LDHAL6A: variants seen among roughly 807,000 people sequenced by gnomAD.
The protein encoded by LDHAL6A is lactate dehydrogenase A like 6A.
A neutral mutation model predicts 28.2 loss-of-function variants in LDHAL6A; 19 were observed. That is an observed-to-expected ratio of 0.67 (90% CI 0.47 to 0.99). The LOEUF (loss-of-function observed/expected upper bound fraction) is 0.99, where lower values mean the gene tolerates loss of function less well. LDHAL6A is among the 50% of genes least tolerant of loss of function. The pLI, the probability that LDHAL6A is intolerant of heterozygous loss-of-function variation, is 0.00. For missense variants in LDHAL6A, 372 were observed against 398.6 expected (o/e 0.93, Z 0.57); for synonymous variants, 144 against 134.4 (o/e 1.07, Z -0.49).
At chr11:18,475,856 T>C (rs991231561) in intron 4 of LDHAL6A, 6 of 465,626 alleles carry the variant, frequency 1.3e-5, no homozygotes, top group African/African-American at 4.0e-5. Flanking sequence ...TACATATGGA[T>C]GGCTAGGATT....
Position 18,478,983 on chromosome 11 carries a change from A to G in LDHAL6A, c.*113A>G. 3 of 925,816 alleles carry G rather than the reference A, an allele frequency of 3.2e-6. No individual in the cohort carries two copies. Among genetic ancestry groups the G allele is most frequent in the Non-Finnish European group, 4.9e-6 (3 of 614,540 alleles). 57.4% of individuals were successfully genotyped at this position (925,816 alleles called of 1,614,324 possible). A position where few individuals can be genotyped will look rare whatever the true frequency, so the allele number is the denominator to read the frequency against. ...TAAAAGTTGGAAAAATAGAGGAAAG[A>G]GTGACCTATTTAGTATAGCCTTCCA... On this transcript the variant is annotated 3_prime_UTR_variant, in exon 7 of 7. Coordinates refer to ENST00000280706, the MANE Select transcript of LDHAL6A (RefSeq NM_144972.5).
In LDHAL6A at chr11:18,479,054, G is replaced by T; in HGVS notation, c.*184G>T. 1.0e-5 allele frequency: 5 copies of T among 496,412 alleles called. No homozygotes were observed. Among genetic ancestry groups the T allele is most frequent in the Non-Finnish European group, 1.8e-5 (5 of 284,028 alleles). The allele number at this position is 496,412 out of a possible 1,614,324, so 30.8% of individuals were successfully genotyped here. Reference sequence around the variant, plus strand: ...TGGGAGGGTCTCATTCTGTCACCCAGGCTGGAGTGCAGTGGCACAATCATG... The same window carrying T: ...TGGGAGGGTCTCATTCTGTCACCCATGCTGGAGTGCAGTGGCACAATCATG... On this transcript the variant is annotated 3_prime_UTR_variant, in exon 7 of 7. Coordinates refer to ENST00000280706, the MANE Select transcript of LDHAL6A (RefSeq NM_144972.5).
intron 3 of LDHAL6A, among the ~76,000 whole-genome samples, chr11:18,466,781 T>C (rs1396154593): frequency 2.0e-5 from 3 of 152,266 alleles, no homozygotes; most frequent in East Asian, 3.9e-4. Flanking sequence ...AGTAGGGCTA[T>C]AGTTTACTGC....
intron 5 of LDHAL6A, 51 bp downstream of exon 5, chr11:18,476,552 C>T: frequency 1.3e-6 from 2 of 1,592,966 alleles, no homozygotes; most frequent in Non-Finnish European, 1.7e-6. Flanking sequence ...TGAGCCTGAA[C>T]TCTGTTAGAA....
At chr11:18,467,424 C>G (rs1249139337) in intron 3 of LDHAL6A, among the ~76,000 whole-genome samples, 1 of 152,092 alleles carries the variant, frequency 6.6e-6, no homozygotes, top group Non-Finnish European at 1.5e-5. Context: ...TTACTACATA[C>G]GTTTTTCTCC....
At position 18,456,652 on chromosome 11, in the gene LDHAL6A, C is replaced by A. The variant is rs368312522; in HGVS notation, c.-29C>A. On this transcript the variant is annotated 5_prime_UTR_variant, in exon 1 of 7. An upstream open reading frame in the 5' UTR gains an earlier in-frame stop. Transcript: ENST00000280706. ...ATTCCAGGTCTTGGAAATGGCTGTG[C>A]AATTTGTCTTCACTGTTAGGTTTCC... is the stretch of plus-strand genomic sequence containing the variant. 11 of 1,610,948 alleles carry A rather than the reference C, an allele frequency of 6.8e-6. No homozygotes were observed. Among genetic ancestry groups the A allele is most frequent in the Middle Eastern group, 1.6e-4 (1 of 6,080 alleles).
chr11:18,475,681 C>A (rs757962955), intron 4 of LDHAL6A, 42 bp downstream of exon 4: 1 of 1,538,946 alleles, frequency 6.5e-7, no homozygotes, highest in Non-Finnish European at 8.8e-7. Flanking sequence ...TATCTATTTC[C>A]TATCAATCAT....
rs75031057 is a variant in LDHAL6A, at chr11:18,469,343, G to T, written c.418+3533G>T. On this transcript the variant is annotated intron_variant, in intron 3 of 6. Transcript: ENST00000280706. Reference sequence around the variant, plus strand: ...ATTAAGGTTATATGATAACAAATTAGGAAAAACAAATTAAGCATCACTTGC... The same window carrying T: ...ATTAAGGTTATATGATAACAAATTATGAAAAACAAATTAAGCATCACTTGC... 839 of 420,544 alleles carry T rather than the reference G, an allele frequency of 2.0e-3. 2 individuals are homozygous for T. The highest frequency in any genetic ancestry group is 3.1e-3 in the Non-Finnish European group (729 of 237,058). 26.1% of individuals were successfully genotyped at this position (420,544 alleles called of 1,614,324 possible). A position where few individuals can be genotyped will look rare whatever the true frequency, so the allele number is the denominator to read the frequency against.
rs529796495 is a variant in LDHAL6A, at chr11:18,479,003, C to T, written c.*133C>T. On this transcript the variant is annotated 3_prime_UTR_variant, in exon 7 of 7. Transcript: ENST00000280706. ...GAAAGAGTGACCTATTTAGTATAGCCTTCCAGCTTTTTTTTTTTTCTTTTT... is the reference window on the plus strand; with the variant it reads ...GAAAGAGTGACCTATTTAGTATAGCTTTCCAGCTTTTTTTTTTTTCTTTTT... The T allele has an allele frequency of 1.3e-5, 10 of 752,936 alleles. No homozygotes were observed. In the South Asian group the frequency reaches 1.5e-4, roughly 11 times the overall value. 46.6% of individuals were successfully genotyped at this position (752,936 alleles called of 1,614,324 possible).
chr11:18,477,568 G>A (rs1457989569), intron 5 of LDHAL6A, 52 bp from the exon 6 acceptor site: 2 of 1,526,102 alleles, frequency 1.3e-6, no homozygotes, highest in East Asian at 2.4e-5. Flanking sequence ...CAAAGTGGAA[G>A]TTCAATGACA....
At position 18,463,309 on chromosome 11, in the gene LDHAL6A, G is replaced by A. The variant is rs1848972759; in HGVS notation, c.127-652G>A. On this transcript the variant is annotated intron_variant, in intron 1 of 6. Coordinates refer to ENST00000280706, the MANE Select transcript of LDHAL6A (RefSeq NM_144972.5). The stretch of plus-strand genomic sequence containing the variant: ...GAAGAGGAAGACAGACCTGAATTTA[G>A]CAATCGCAGCCTCCTTGCCATGTGA... Among the ~76,000 whole-genome samples the A allele has an allele frequency of 1.3e-5, 2 of 152,116 alleles. 1 individual carries two copies. The highest frequency in any genetic ancestry group is 4.1e-4 in the South Asian group (2 of 4,820).
chr11:18,467,916 TATACACACAC>T (rs1849125435), intron 3 of LDHAL6A, among the ~76,000 whole-genome samples: 10 of 54,964 alleles, frequency 1.8e-4, no homozygotes, highest in Admixed American at 4.9e-4. Flanking sequence ...TATATATATA[TATACACACAC>T]ATATATATAT....
At chr11:18,474,978 C>T (rs1022676268) in intron 3 of LDHAL6A, among the ~76,000 whole-genome samples, 8 of 152,160 alleles carry the variant, frequency 5.3e-5, no homozygotes, top group East Asian at 1.9e-4. Context: ...CGGTGGCTCA[C>T]GCCTGTAGTC....
intron 3 of LDHAL6A, among the ~76,000 whole-genome samples, chr11:18,473,970 T>A (rs776934626): frequency 6.6e-4 from 100 of 152,196 alleles, no homozygotes; most frequent in Middle Eastern, 3.4e-3. Context: ...AATGATCATA[T>A]CTATCTTTTT....
At chr11:18,457,745 CAG>C (rs1314751350) in intron 1 of LDHAL6A, among the ~76,000 whole-genome samples, 2 of 152,148 alleles carry the variant, frequency 1.3e-5, no homozygotes, top group Admixed American at 6.5e-5. Context: ...ACGTATTGCC[CAG>C]GCTGCTCTCA....
intron 2 of LDHAL6A, among the ~76,000 whole-genome samples, chr11:18,465,426 G>GT (rs5790038): frequency 0.041 from 5,775 of 139,926 alleles, 138 homozygotes; most frequent in Middle Eastern, 0.094. Context: ...CATGACTTAC[G>GT]TTTTTTTTTT....
chr11:18,475,710 G>A, intron 4 of LDHAL6A, 71 bp downstream of exon 4: 1 of 1,343,078 alleles, frequency 7.4e-7, no homozygotes, highest in Non-Finnish European at 1.0e-6. Context: ...TTAATGTAAA[G>A]TAGCTCCTGG....
chr11:18,478,560 A>C (rs1849451296), intron 6 of LDHAL6A, 146 bp from the exon 7 acceptor site: 6 of 416,354 alleles, frequency 1.4e-5, no homozygotes, highest in Non-Finnish European at 2.5e-5. Context: ...AGTCCGTCTC[A>C]AAAAAAAAAG....
At chr11:18,467,377 G>A (rs1283523378) in intron 3 of LDHAL6A, among the ~76,000 whole-genome samples, 1 of 151,938 alleles carries the variant, frequency 6.6e-6, no homozygotes, top group Non-Finnish European at 1.5e-5. Context: ...CCTTTTATAG[G>A]TAACCATTTA....
Sources: allele counts gnomAD v4.1 joint callset (sites outside exome capture counted in the v4.1 genomes callset), GRCh38; gene constraint gnomAD v4.1.1; transcripts MANE v1.5; gene names NCBI Gene and HGNC (gene_info 2026-07-23, HGNC 2026-07-21).